Variants in CPB2 observed in about 807,000 individuals in gnomAD.
The protein encoded by CPB2 is carboxypeptidase B-like protein.
A neutral mutation model predicts 57.0 loss-of-function variants in CPB2; 54 were observed. The observed-to-expected ratio is 0.95, with a 90% CI of 0.76 to 1.19. The LOEUF is 1.19. Among genes scored for constraint, CPB2 ranks in the 50% most tolerant of loss-of-function variants. CPB2 has a pLI of 0.00. For synonymous variants in CPB2, 189 were observed against 178.1 expected (o/e 1.06, Z -0.49); for missense variants, 426 against 512.0 (o/e 0.83, Z 1.62).
chr13:46,086,812 G>T (rs2045213703), intron 2 of CPB2, among the ~76,000 whole-genome samples: 1 of 152,236 alleles, frequency 6.6e-6, no homozygotes, highest in African/African-American at 2.4e-5. Context: ...TCCCTCCTGT[G>T]CTCGTCAGTA....
At chr13:46,078,279 T>C (rs2045055028) in intron 5 of CPB2, among the ~76,000 whole-genome samples, 1 of 152,194 alleles carries the variant, frequency 6.6e-6, no homozygotes, top group South Asian at 2.1e-4. Context: ...AATTTTATTT[T>C]TTCAAGTCCC....
rs543856991 is a variant in CPB2 at position 46,084,232 on chromosome 13, C to A, written c.262G>T (p.Gly88Ter). Residue 88 changes from glycine to a stop codon, truncating the protein, a stop_gained, in exon 3 of 11, where the codon GGA becomes TGA. Coordinates refer to ENST00000181383, the MANE Select transcript of CPB2 (RefSeq NM_001872.5). LOFTEE classifies it high-confidence loss of function. ...DNVKAHLNVS[G>*]IPCSVLLADV... Reference sequence around the variant, plus strand: ...AACGGTGCCTACCTGCATGGAATTCCGCTCACATTTAAATGGGCTTTCACA... The same window carrying A: ...AACGGTGCCTACCTGCATGGAATTCAGCTCACATTTAAATGGGCTTTCACA... The A allele has an allele frequency of 1.9e-6, 3 of 1,614,078 alleles. No homozygotes were observed. The highest frequency in any genetic ancestry group is 4.5e-5 in the East Asian group (2 of 44,884).
chr13:46,092,167 G>A (rs934487824), intron 1 of CPB2, among the ~76,000 whole-genome samples: 2 of 152,088 alleles, frequency 1.3e-5, no homozygotes, highest in Non-Finnish European at 2.9e-5. Context: ...CTTAGACTTT[G>A]CTTCCAGTTA....
intron 2 of CPB2, among the ~76,000 whole-genome samples, chr13:46,086,438 G>A (rs1456543479): frequency 1.3e-5 from 2 of 152,130 alleles, no homozygotes; most frequent in African/African-American, 2.4e-5. Context: ...CCTGATGAGT[G>A]TTCGTTCTCA....
intron 1 of CPB2, chr13:46,101,160 T>G (rs7139616): frequency 0.53 from 80,916 of 151,722 alleles, 22,692 homozygotes; most frequent in Non-Finnish European, 0.62. Flanking sequence ...GGCCAACTGA[T>G]CAGCCTATGC....
At chr13:46,074,030 T>A in intron 5 of CPB2, 53 bp from the exon 6 acceptor site, 1 of 1,063,410 alleles carries the variant, frequency 9.4e-7, no homozygotes, top group Non-Finnish European at 1.4e-6. Flanking sequence ...AGCTTCAGGA[T>A]AATAACTTTC....
At chr13:46,075,443 C>G (rs1373693689) in intron 5 of CPB2, among the ~76,000 whole-genome samples, 1 of 152,224 alleles carries the variant, frequency 6.6e-6, no homozygotes, top group Non-Finnish European at 1.5e-5. Context: ...AAGAGTAGGA[C>G]CAAACCATCC....
At chr13:46,065,068 A>C (rs2044833338) in intron 7 of CPB2, among the ~76,000 whole-genome samples, 3 of 152,100 alleles carry the variant, frequency 2.0e-5, no homozygotes, top group Non-Finnish European at 2.9e-5. Flanking sequence ...TTTCCTTTAC[A>C]TTAATTTTAT....
intron 1 of CPB2, among the ~76,000 whole-genome samples, chr13:46,103,228 G>A (rs1055813051): frequency 2.6e-5 from 4 of 152,160 alleles, no homozygotes; most frequent in Admixed American, 6.5e-5. Flanking sequence ...CCACCTGCCC[G>A]CCAACCTCTG....
intron 2 of CPB2, among the ~76,000 whole-genome samples, chr13:46,086,831 C>G (rs2045214290): frequency 1.3e-5 from 2 of 152,226 alleles, no homozygotes; most frequent in South Asian, 4.1e-4. Context: ...TACCCAAAGT[C>G]CAGAGGGGGC....
chr13:46,103,273 C>T (rs920821945), intron 1 of CPB2, among the ~76,000 whole-genome samples: 3 of 152,240 alleles, frequency 2.0e-5, no homozygotes, highest in Admixed American at 1.3e-4. Flanking sequence ...ACTGGGCTGA[C>T]GCCAAGGCCA....
At chr13:46,063,705 C>G (rs1435484374) in intron 8 of CPB2, among the ~76,000 whole-genome samples, 1 of 152,092 alleles carries the variant, frequency 6.6e-6, no homozygotes, top group Admixed American at 6.6e-5. Flanking sequence ...ATTGCTGAGT[C>G]AAATAGTAAT....
At chr13:46,053,827 A>C in intron 10 of CPB2, 29 bp from the exon 11 acceptor site, 1 of 1,582,030 alleles carries the variant, frequency 6.3e-7, no homozygotes, top group South Asian at 1.1e-5. Flanking sequence ...AATTGTTGAA[A>C]TACAGACGTT....
At chr13:46,059,368 T>C (rs1593881843) in intron 8 of CPB2, among the ~76,000 whole-genome samples, 1 of 152,218 alleles carries the variant, frequency 6.6e-6, no homozygotes, top group Non-Finnish European at 1.5e-5. Flanking sequence ...AAGCACCCAA[T>C]TACTTGATTC....
chr13:46,064,854 A>AT (rs1303441986), intron 7 of CPB2, 113 bp from the exon 8 acceptor site: 3 of 735,960 alleles, frequency 4.1e-6, no homozygotes, highest in Non-Finnish European at 7.1e-6. Context: ...CTTCAATCCC[A>AT]TACCTTGCAT....
rs11328126 is a variant in CPB2, at chr13:46,102,592, G to GT, written c.74+2343dup. Among the ~76,000 whole-genome samples, 214 of 116,296 alleles carry GT rather than the reference G, an allele frequency of 1.8e-3. 2 individuals are homozygous for GT. The highest frequency in any genetic ancestry group is 4.5e-3 in the African/African-American group (141 of 31,542). The allele number at this position is 116,296 out of a possible 152,430, so 76.3% of individuals were successfully genotyped here. A position where few individuals can be genotyped will look rare whatever the true frequency, so the allele number is the denominator to read the frequency against. On this transcript the variant is annotated intron_variant, in intron 1 of 10. Coordinates refer to ENST00000181383, the MANE Select transcript of CPB2 (RefSeq NM_001872.5). ...GCTTTAAGAAAAAGCCAGACTGTTA[G>GT]TTTTTTTTTTTTTTTTTAGAAGGGT...
At position 46,073,994 on chromosome 13, in the gene CPB2, C is replaced by CA; in HGVS notation, c.487-18dup. On this transcript the variant is annotated splice_polypyrimidine_tract_variant and intron_variant, in intron 5 of 10. Transcript: ENST00000181383. ...TCCAGAAACCTGCTCAAAGAAACCC[C>CA]AAAAGTAGCAAAAACAGTAACAATA... 1 of 1,453,866 alleles carries CA rather than the reference C, an allele frequency of 6.9e-7. No individual in the cohort carries two copies. Among genetic ancestry groups the CA allele is most frequent in the Non-Finnish European group, 9.6e-7 (1 of 1,043,546 alleles). 90.1% of individuals were successfully genotyped at this position (1,453,866 alleles called of 1,614,324 possible). A position where few individuals can be genotyped will look rare whatever the true frequency, so the allele number is the denominator to read the frequency against.
intron 10 of CPB2, among the ~76,000 whole-genome samples, chr13:46,055,041 G>T (rs963631410): frequency 2.0e-5 from 3 of 149,146 alleles, no homozygotes; most frequent in African/African-American, 7.5e-5. Context: ...ATGAGCCACA[G>T]CACCTGGCCT....
chr13:46,092,651 T>C (rs988106368), intron 1 of CPB2, among the ~76,000 whole-genome samples: 2 of 152,174 alleles, frequency 1.3e-5, no homozygotes, highest in African/African-American at 4.8e-5. Flanking sequence ...AAAGGCACAA[T>C]AGCAAGAGAT....
Sources: allele counts gnomAD v4.1 joint callset (sites outside exome capture counted in the v4.1 genomes callset), GRCh38; gene constraint gnomAD v4.1.1; transcripts MANE v1.5; gene names NCBI Gene and HGNC (gene_info 2026-07-23, HGNC 2026-07-21).